Variants in SLC5A1 observed in about 807,000 individuals in gnomAD.
SLC5A1 encodes the protein sodium/glucose cotransporter 1.
Under a neutral mutation model 73.5 loss-of-function variants are expected in SLC5A1, and 42 were observed. The ratio of observed to expected loss-of-function variants is 0.57; its 90% confidence interval spans 0.45 to 0.74. The LOEUF is 0.74. Among genes scored for constraint, SLC5A1 ranks in the 30% least tolerant of loss-of-function variants. The probability of loss-of-function intolerance (pLI) is 0.00; values close to 1 mark genes in which losing one functional copy is unlikely to be tolerated. For missense variants in SLC5A1, 634 were observed against 855.4 expected, an observed-to-expected ratio of 0.74 and a Z score of 3.23; for synonymous variants, 300 against 317.4, an observed-to-expected ratio of 0.95 and a Z score of 0.58.
Position 32,083,123 on chromosome 22 carries a change from G to C in SLC5A1, c.633G>C (p.Met211Ile). Residue 211 changes from methionine (M) to isoleucine (I), a missense_variant, in exon 7 of 15, where the codon ATG becomes ATC. This residue lies in a region of SLC5A1 where 422 missense variants were observed against 626.1 expected (regional missense o/e 0.67). Transcript: ENST00000266088. ...IYTDTLQTVI[M>I]LVGSLILTGF... Reference sequence around the variant, plus strand: ...CGGACACCTTGCAGACGGTGATCATGCTGGTGGGGTCTTTAATCCTGACTG... The same window carrying C: ...CGGACACCTTGCAGACGGTGATCATCCTGGTGGGGTCTTTAATCCTGACTG... The C allele has an allele frequency of 6.2e-7, 1 of 1,614,218 alleles. No homozygotes were observed. Among genetic ancestry groups the C allele is most frequent in the South Asian group, 1.1e-5 (1 of 91,086 alleles).
At chr22:32,095,546 T>G (rs2094024892) in intron 11 of SLC5A1, among the ~76,000 whole-genome samples, 1 of 152,232 alleles carries the variant, frequency 6.6e-6, no homozygotes, top group African/African-American at 2.4e-5. Context: ...GATATATATT[T>G]AGGATTGTGA....
Position 32,111,617 on chromosome 22 carries a change from G to A in SLC5A1, c.*1404G>A, listed in dbSNP as rs1184098627. The A allele has an allele frequency of 6.6e-6, 1 of 152,190 alleles. No homozygotes were observed. The allele number at this position is 152,190 out of a possible 1,614,324, so 9.4% of individuals were successfully genotyped here. A position where few individuals can be genotyped will look rare whatever the true frequency, so the allele number is the denominator to read the frequency against. ...AAGGAAAAAGAATTACAAACTGAAC[G>A]TATGTAGGTGAGGCAAGGCAGGGTA... On this transcript the variant is annotated 3_prime_UTR_variant, in exon 15 of 15. Transcript: ENST00000266088.
chr22:32,107,818 G>A (rs1306054133), intron 14 of SLC5A1, among the ~76,000 whole-genome samples: 1 of 152,094 alleles, frequency 6.6e-6, no homozygotes, highest in African/African-American at 2.4e-5. Flanking sequence ...GCTATCTTTA[G>A]GGATTTTACA....
chr22:32,102,790 C>T (rs1034298625), intron 13 of SLC5A1, among the ~76,000 whole-genome samples: 1 of 152,134 alleles, frequency 6.6e-6, no homozygotes. Context: ...GTTTTTAAAA[C>T]TTTTAGCTCC....
rs565660687 is a variant in SLC5A1, at chr22:32,057,113, T to C, written c.207+7099T>C. Among the ~76,000 whole-genome samples the C allele has an allele frequency of 5.3e-5, 8 of 152,244 alleles. No individual in the cohort carries two copies. In the East Asian group the frequency reaches 1.5e-3, roughly 29 times the overall value. ...TGGCGGAACCAAGATTAGAACCAGGTTGGAAGGTTCACAGTGTGCTTTGAA... is the reference window on the plus strand; with the variant it reads ...TGGCGGAACCAAGATTAGAACCAGGCTGGAAGGTTCACAGTGTGCTTTGAA... On this transcript the variant is annotated intron_variant, in intron 2 of 14. Transcript: ENST00000266088.
intron 5 of SLC5A1, among the ~76,000 whole-genome samples, chr22:32,074,730 C>G (rs1314977946): frequency 1.3e-5 from 2 of 152,194 alleles, no homozygotes. Flanking sequence ...CAACATTATA[C>G]TTACTCCATC....
chr22:32,106,376 C>G (rs2094045747), intron 14 of SLC5A1, among the ~76,000 whole-genome samples: 1 of 152,210 alleles, frequency 6.6e-6, no homozygotes, highest in Non-Finnish European at 1.5e-5. Flanking sequence ...TGAGAAACGT[C>G]TATTAAAATC....
At chr22:32,076,998 G>A (rs2093991983) in intron 5 of SLC5A1, among the ~76,000 whole-genome samples, 1 of 152,186 alleles carries the variant, frequency 6.6e-6, no homozygotes, top group South Asian at 2.1e-4. Context: ...CATTGTTTGT[G>A]TTGTCTGTGG....
chr22:32,075,094 T>A (rs1038122401), intron 5 of SLC5A1, among the ~76,000 whole-genome samples: 71 of 148,250 alleles, frequency 4.8e-4, no homozygotes, highest in Non-Finnish European at 8.4e-4. Flanking sequence ...TTTTTTTTTT[T>A]AGAGATAGGG....
Position 32,061,015 on chromosome 22 carries a change from G to A in SLC5A1, c.208-5920G>A, listed in dbSNP as rs563218459. Among the ~76,000 whole-genome samples the A allele has an allele frequency of 8.7e-4, 132 of 152,248 alleles. 2 individuals carry two copies. In the South Asian group the frequency reaches 0.026, roughly 30 times the overall value. On this transcript the variant is annotated intron_variant, in intron 2 of 14. Coordinates refer to ENST00000266088, the MANE Select transcript of SLC5A1 (RefSeq NM_000343.4). The stretch of plus-strand genomic sequence containing the variant: ...ACTTTGTTGGGCATAAGAATCACCC[G>A]AAGAGCTTATTACTCTGATTTCAAT...
intron 11 of SLC5A1, among the ~76,000 whole-genome samples, 188 bp downstream of exon 11, chr22:32,091,950 ATTTTTTATTTCCATTCATG>A (rs768649334): frequency 7.6e-4 from 116 of 152,086 alleles, no homozygotes; most frequent in Non-Finnish European, 1.2e-3. Flanking sequence ...TTATTTTTAA[ATTTTTTATTTCCATTCATG>A]TTTGGGAAAC....
In SLC5A1 at chr22:32,104,989, C is replaced by G. The variant is rs1844256115; in HGVS notation, c.1771+98C>G. On this transcript the variant is annotated intron_variant, in intron 14 of 14. Transcript: ENST00000266088. ...TTCCCTAAATAATTTTATCAGAGCTCAGATGTCTCCCCTCCAGGGCAGTGA... is the reference window on the plus strand; with the variant it reads ...TTCCCTAAATAATTTTATCAGAGCTGAGATGTCTCCCCTCCAGGGCAGTGA... 8.0e-6 allele frequency: 7 copies of G among 870,556 alleles called. No individual in the cohort carries two copies. The South Asian group carries it at 9.9e-5, about 12-fold the overall frequency. 53.9% of individuals were successfully genotyped at this position (870,556 alleles called of 1,614,324 possible).
chr22:32,052,508 A>G (rs915985874), intron 2 of SLC5A1, among the ~76,000 whole-genome samples: 1 of 152,164 alleles, frequency 6.6e-6, no homozygotes, highest in Non-Finnish European at 1.5e-5. Context: ...GGAACCAGGC[A>G]ACTGGACATG....
intron 11 of SLC5A1, among the ~76,000 whole-genome samples, chr22:32,098,973 C>G (rs968404004): frequency 6.6e-5 from 10 of 150,496 alleles, no homozygotes; most frequent in African/African-American, 2.4e-4. Flanking sequence ...GTAGTCCCAG[C>G]TACTCAGGAG....
At chr22:32,048,640 C>A (rs1361594629) in intron 1 of SLC5A1, among the ~76,000 whole-genome samples, 1 of 152,178 alleles carries the variant, frequency 6.6e-6, no homozygotes, top group Non-Finnish European at 1.5e-5. Flanking sequence ...TGGAATCTTA[C>A]CACATTCCTC....
rs562897464 is a variant in SLC5A1, at chr22:32,074,563, G to A, written c.477+5963G>A. On this transcript the variant is annotated intron_variant, in intron 5 of 14. Coordinates refer to ENST00000266088, the MANE Select transcript of SLC5A1 (RefSeq NM_000343.4). ...AGGAAGCTGAAGCCTGATTTCTCCA[G>A]CCTTCCCAGCATTTCCCAGTCCAGA... Among the ~76,000 whole-genome samples the A allele has an allele frequency of 2.0e-5, 3 of 152,192 alleles. No individual in the cohort carries two copies. In the East Asian group the frequency reaches 5.8e-4, roughly 29 times the overall value.
chr22:32,088,818 C>T (rs981895973), intron 10 of SLC5A1, among the ~76,000 whole-genome samples: 1 of 152,186 alleles, frequency 6.6e-6, no homozygotes, highest in African/African-American at 2.4e-5. Flanking sequence ...TTTCCCCATC[C>T]TCTCTGGCTG....
chr22:32,057,332 T>G (rs1195697904), intron 2 of SLC5A1, among the ~76,000 whole-genome samples: 2 of 152,244 alleles, frequency 1.3e-5, no homozygotes, highest in Admixed American at 6.5e-5. Flanking sequence ...AGTGGTGTGA[T>G]CACAGCTCAT....
chr22:32,073,892 C>T (rs1417342602), intron 5 of SLC5A1, among the ~76,000 whole-genome samples: 1 of 152,138 alleles, frequency 6.6e-6, no homozygotes, highest in Admixed American at 6.5e-5. Context: ...GATGAAAGGC[C>T]TGGGCTTTCC....
Sources: gnomAD v4.1 joint callset for allele counts (sites outside exome capture counted in the v4.1 genomes callset) on GRCh38, gnomAD v4.1.1 for gene constraint, gnomAD v4.1.1 regional missense constraint, MANE v1.5 for transcripts, NCBI Gene and HGNC (gene_info 2026-07-23, HGNC 2026-07-21) for gene names.